The following NRG1 variants were observed in gnomAD, a reference collection of about 807,000 sequenced individuals.
NRG1 encodes pro-neuregulin-1, membrane-bound isoform.
NRG1 carries 18 observed loss-of-function variants against 63.8 expected under a neutral mutation model. The observed-to-expected ratio is 0.28, with a 90% CI of 0.19 to 0.42. The LOEUF (loss-of-function observed/expected upper bound fraction) is 0.42. Among genes scored for constraint, NRG1 ranks in the 10% least tolerant of loss-of-function variants. The pLI is 1.00. For missense variants in NRG1, 762 were observed against 814.7 expected (o/e 0.94, Z 0.79); for synonymous variants, 302 against 301.3 (o/e 1.00, Z -0.02).
At chr8:32,575,984 ATTTATT>A (rs1208103538) in intron 1 of NRG1, among the ~76,000 whole-genome samples, 2 of 152,140 alleles carry the variant, frequency 1.3e-5, no homozygotes, top group Admixed American at 6.6e-5. Flanking sequence ...ATTTTTTAAA[ATTTATT>A]TTTAATTAAT....
intron 1 of NRG1, among the ~76,000 whole-genome samples, chr8:32,082,317 G>A (rs1827583356): frequency 6.6e-6 from 1 of 151,724 alleles, no homozygotes; most frequent in African/African-American, 2.4e-5. Context: ...CAGGGATTAA[G>A]CCTGTTACCC....
intron 1 of NRG1, among the ~76,000 whole-genome samples, chr8:32,177,915 G>T (rs1288678205): frequency 6.6e-6 from 1 of 152,040 alleles, no homozygotes; most frequent in African/African-American, 2.4e-5. Flanking sequence ...CTTGCAAAAG[G>T]ACTTTGTTGT....
intron 5 of NRG1, among the ~76,000 whole-genome samples, chr8:32,644,722 C>T (rs1183011426): frequency 1.3e-5 from 2 of 151,866 alleles, no homozygotes; most frequent in East Asian, 1.9e-4. Flanking sequence ...ATGTGTTGTC[C>T]TAGTCTTTGT....
intron 1 of NRG1, among the ~76,000 whole-genome samples, chr8:32,587,891 CTGTT>C (rs2129534692): frequency 6.6e-6 from 1 of 151,672 alleles, no homozygotes; most frequent in East Asian, 1.9e-4. Flanking sequence ...GAATGGCCCT[CTGTT>C]TGTACATGTG....
chr8:32,447,315 G>A (rs1031615897), intron 1 of NRG1, among the ~76,000 whole-genome samples: 2 of 151,978 alleles, frequency 1.3e-5, no homozygotes, highest in South Asian at 2.1e-4. Context: ...AAGCCACCTT[G>A]CTTGGCCCTA....
chr8:32,138,236 C>G (rs1835799815), intron 1 of NRG1, among the ~76,000 whole-genome samples: 1 of 152,020 alleles, frequency 6.6e-6, no homozygotes, highest in African/African-American at 2.4e-5. Context: ...GGGCGATGTA[C>G]CAGTGCAATA....
chr8:32,436,136 C>T (rs1414540299), intron 1 of NRG1, among the ~76,000 whole-genome samples: 1 of 152,106 alleles, frequency 6.6e-6, no homozygotes, highest in Non-Finnish European at 1.5e-5. Flanking sequence ...ACCTCACAAG[C>T]ATGGTGGAAA....
intron 1 of NRG1, among the ~76,000 whole-genome samples, chr8:31,717,957 GTA>G (rs1812524634): frequency 6.6e-6 from 1 of 152,146 alleles, no homozygotes; most frequent in Non-Finnish European, 1.5e-5. Flanking sequence ...TTTTAGTCTT[GTA>G]TGTGTGTGTA....
intron 1 of NRG1, among the ~76,000 whole-genome samples, chr8:31,842,031 G>A (rs924045936): frequency 2.6e-5 from 4 of 152,204 alleles, no homozygotes; most frequent in Admixed American, 2.0e-4. Flanking sequence ...GCTCTGAATT[G>A]CAGTTGCATA....
At chr8:32,445,549 T>G (rs1168884186) in intron 1 of NRG1, among the ~76,000 whole-genome samples, 2 of 152,206 alleles carry the variant, frequency 1.3e-5, no homozygotes, top group African/African-American at 4.8e-5. Flanking sequence ...GAATGTGCAG[T>G]TCAAGGCCTA....
chr8:31,956,460 A>G (rs1309528989), intron 1 of NRG1, among the ~76,000 whole-genome samples: 1 of 151,354 alleles, frequency 6.6e-6, no homozygotes, highest in Non-Finnish European at 1.5e-5. Context: ...TACTAAAAAA[A>G]TACAAAAAAA....
chr8:31,969,960 A>T (rs4147430), intron 1 of NRG1, among the ~76,000 whole-genome samples: 108,584 of 151,956 alleles, frequency 0.71, 40,220 homozygotes, highest in Non-Finnish European at 0.82. Flanking sequence ...ATTTTCTATA[A>T]GTTGTGAGAC....
chr8:32,082,177 A>G (rs1021235375), intron 1 of NRG1, among the ~76,000 whole-genome samples: 5 of 149,506 alleles, frequency 3.3e-5, no homozygotes, highest in African/African-American at 9.9e-5. Flanking sequence ...ATCTCCATCA[A>G]TAGGAGTATG....
chr8:31,921,387 T>C (rs1350578770), intron 1 of NRG1, among the ~76,000 whole-genome samples: 1 of 151,906 alleles, frequency 6.6e-6, no homozygotes, highest in Non-Finnish European at 1.5e-5. Flanking sequence ...GCCAAGGAGG[T>C]TCTTTTTCGT....
chr8:32,180,663 A>T (rs1037757311), intron 1 of NRG1, among the ~76,000 whole-genome samples: 4 of 152,110 alleles, frequency 2.6e-5, no homozygotes, highest in African/African-American at 9.7e-5. Context: ...ATGTATATTT[A>T]TGGTGTACAG....
At chr8:32,319,870 A>T (rs890191901) in intron 1 of NRG1, among the ~76,000 whole-genome samples, 1 of 152,154 alleles carries the variant, frequency 6.6e-6, no homozygotes, top group African/African-American at 2.4e-5. Flanking sequence ...TAATATGCAC[A>T]CTAATATAAA....
At chr8:32,199,996 C>G (rs1843341309) in intron 1 of NRG1, among the ~76,000 whole-genome samples, 1 of 152,154 alleles carries the variant, frequency 6.6e-6, no homozygotes, top group Non-Finnish European at 1.5e-5. Context: ...CCAGGCTGGT[C>G]TCAAACTCCT....
chr8:32,681,175 A>G (rs1464477790), intron 5 of NRG1, among the ~76,000 whole-genome samples: 1 of 152,162 alleles, frequency 6.6e-6, no homozygotes, highest in Non-Finnish European at 1.5e-5. Context: ...TACTGATGAA[A>G]GTTTTCTGGT....
intron 1 of NRG1, among the ~76,000 whole-genome samples, chr8:31,824,390 G>C (rs1824331869): frequency 1.3e-5 from 2 of 152,098 alleles, no homozygotes; most frequent in Non-Finnish European, 2.9e-5. Flanking sequence ...CTAGAAAGGT[G>C]CAGAAACTGC....
Sources: allele counts gnomAD v4.1 joint callset (sites outside exome capture counted in the v4.1 genomes callset), GRCh38; gene constraint gnomAD v4.1.1; transcripts MANE v1.5; gene names NCBI Gene and HGNC (gene_info 2026-07-23, HGNC 2026-07-21).